The following ABCA6 variants were observed in gnomAD, a reference collection of about 807,000 sequenced individuals.
ABCA6 encodes ATP-binding cassette sub-family A member 6.
In ABCA6, 164 loss-of-function variants were observed where a neutral mutation model predicts 191.2. The observed-to-expected ratio is 0.86, with a 90% CI of 0.76 to 0.98. The LOEUF is 0.98. ABCA6 is among the 50% of genes least tolerant of loss of function. The pLI is 0.00. For missense variants in ABCA6, 1,958 were observed against 1,894.1 expected (o/e 1.03, Z -0.63); for synonymous variants, 636 against 647.7 (o/e 0.98, Z 0.27).
At chr17:69,116,937 T>C (rs1205161937) in intron 11 of ABCA6, among the ~76,000 whole-genome samples, 1 of 152,118 alleles carries the variant, frequency 6.6e-6, no homozygotes, top group African/African-American at 2.4e-5. Flanking sequence ...GTTTTTTGTT[T>C]AGACAAAAAG....
intron 11 of ABCA6, among the ~76,000 whole-genome samples, chr17:69,116,411 A>C (rs529883261): frequency 3.2e-4 from 49 of 152,206 alleles, no homozygotes; most frequent in African/African-American, 1.2e-3. Flanking sequence ...ATTATTCATT[A>C]TGTATTGCTT....
chr17:69,124,837 T>C (rs986003341), intron 9 of ABCA6, 51 bp downstream of exon 9: 2 of 1,054,092 alleles, frequency 1.9e-6, no homozygotes, highest in Non-Finnish European at 1.3e-6. Flanking sequence ...AAAAATATAT[T>C]CAATGTAATT....
intron 7 of ABCA6, 24 bp downstream of exon 7, chr17:69,129,586 G>T (rs748144598): frequency 2.6e-6 from 4 of 1,554,918 alleles, no homozygotes; most frequent in Non-Finnish European, 2.6e-6. Flanking sequence ...AGCAGAGAAA[G>T]TGGTAATAAA....
Position 69,133,812 on chromosome 17 carries a change from A to G in ABCA6, c.620T>C (p.Met207Thr), listed in dbSNP as rs773960260. The G allele has an allele frequency of 6.2e-7, 1 of 1,613,174 alleles. No homozygotes were observed. Among genetic ancestry groups the G allele is most frequent in the South Asian group, 1.1e-5 (1 of 90,880 alleles). Residue 207 changes from methionine (M) to threonine (T), a missense_variant, in exon 6 of 39, where the codon ATG (methionine) becomes ACG (threonine). Coordinates refer to ENST00000284425, the MANE Select transcript of ABCA6 (RefSeq NM_080284.3). ...EELMSVTAITMKTLPFITKNL... is the reference protein window; with the variant it reads ...EELMSVTAITTKTLPFITKNL... ...TTTAGTTATGAAAGGTAATGTCTTC[A>G]TAGTTATAGCAGTAACTGACATCAA... is the stretch of plus-strand genomic sequence containing the variant.
chr17:69,139,081 C>G (rs913936270), intron 2 of ABCA6, among the ~76,000 whole-genome samples: 2 of 152,098 alleles, frequency 1.3e-5, no homozygotes, highest in African/African-American at 4.8e-5. Context: ...GCAACAAAAG[C>G]TAAAATTGAC....
chr17:69,126,043 G>A (rs561735483), intron 8 of ABCA6, among the ~76,000 whole-genome samples: 5 of 152,048 alleles, frequency 3.3e-5, no homozygotes, highest in South Asian at 4.1e-4. Context: ...CTAGAGGTCC[G>A]GACCTGTGCA....
At chr17:69,110,984 CACT>C in intron 16 of ABCA6, 44 bp from the exon 17 acceptor site, 1 of 1,534,474 alleles carries the variant, frequency 6.5e-7, no homozygotes. Context: ...TTTTCTCCAC[CACT>C]ATCACAAAAG....
Position 69,112,336 on chromosome 17 carries a change from A to G in ABCA6, c.2042-63T>C, listed in dbSNP as rs920547713. 8 of 1,314,194 alleles carry G rather than the reference A, an allele frequency of 6.1e-6. No homozygotes were observed. In the East Asian group the frequency reaches 6.9e-5, roughly 11 times the overall value. 81.4% of individuals were successfully genotyped at this position (1,314,194 alleles called of 1,614,324 possible). A position where few individuals can be genotyped will look rare whatever the true frequency, so the allele number is the denominator to read the frequency against. ...GTCATTTCTTCTTTCTCTAGTAAAG[A>G]AAGACGAGGAGCCAAGGCTCAGAAG... On this transcript the variant is annotated intron_variant, in intron 15 of 38. Transcript: ENST00000284425.
chr17:69,121,220 A>G (rs1015059345), intron 10 of ABCA6, among the ~76,000 whole-genome samples: 1 of 152,088 alleles, frequency 6.6e-6, no homozygotes, highest in African/African-American at 2.4e-5. Flanking sequence ...CCACTAAGAA[A>G]TGATCACTGT....
At chr17:69,114,186 GGATT>G (rs1292657569) in intron 13 of ABCA6, among the ~76,000 whole-genome samples, 1 of 152,054 alleles carries the variant, frequency 6.6e-6, no homozygotes, top group Non-Finnish European at 1.5e-5. Context: ...ATGATAGACT[GGATT>G]AAGAAAATGT....
chr17:69,084,590 G>A, intron 32 of ABCA6, 83 bp from the exon 33 acceptor site: 1 of 1,187,912 alleles, frequency 8.4e-7, no homozygotes, highest in Non-Finnish European at 1.2e-6. Context: ...CAGCATTAGA[G>A]GGAAGTTTAG....
Position 69,089,529 on chromosome 17 carries a change from T to A in ABCA6, c.3542A>T (p.His1181Leu). 1.2e-6 allele frequency: 2 copies of A among 1,613,416 alleles called. No individual in the cohort carries two copies. Among genetic ancestry groups the A allele is most frequent in the Non-Finnish European group, 1.7e-6 (2 of 1,179,820 alleles). The change falls in exon 27 of 39, where the codon CAC becomes CTC. Residue 1181 changes from histidine to leucine, a missense_variant. Physicochemically the swap from His to Leu is moderately conservative, Grantham distance 99. Coordinates refer to ENST00000284425, the MANE Select transcript of ABCA6 (RefSeq NM_080284.3). ...ATTTGCCTCTGGAAATTCTCTGTAGTGCTCCTGGTCTCTCTGAAAAGACAA... is the reference window on the plus strand; with the variant it reads ...ATTTGCCTCTGGAAATTCTCTGTAGAGCTCCTGGTCTCTCTGAAAAGACAA... ...KTFLEVRDQE[H>L]YREFPEANFE...
chr17:69,088,252 AG>A lies in ABCA6; in HGVS notation c.3612del (p.Gln1206ArgfsTer9). 6.2e-7 allele frequency: 1 copy of A among 1,608,812 alleles called. No homozygotes were observed. Among genetic ancestry groups the A allele is most frequent in the Non-Finnish European group, 8.5e-7 (1 of 1,176,866 alleles). ...ATDFLVCFIP[Y>X]FQTLLFVFVL... is the part of the protein sequence containing the mutation. Reference sequence around the variant, plus strand: ...ACAAAAACGAATAGCAAAGTCTGAAAGTAGGGCTATGAGCAAAGAAATACAG... The same window carrying A: ...ACAAAAACGAATAGCAAAGTCTGAAATAGGGCTATGAGCAAAGAAATACAG... On this transcript the variant is annotated frameshift_variant, in exon 28 of 39. Coordinates refer to ENST00000284425, the MANE Select transcript of ABCA6 (RefSeq NM_080284.3). LOFTEE classifies it high-confidence loss of function.
chr17:69,131,331 C>A (rs541759820), intron 6 of ABCA6, among the ~76,000 whole-genome samples: 1 of 152,264 alleles, frequency 6.6e-6, no homozygotes, highest in Non-Finnish European at 1.5e-5. Context: ...AAATTTCATG[C>A]CATTACAATA....
intron 36 of ABCA6, 42 bp from the exon 37 acceptor site, chr17:69,081,187 G>T: frequency 9.5e-7 from 1 of 1,053,710 alleles, no homozygotes; most frequent in South Asian, 1.5e-5. Context: ...GAGTTTCAAG[G>T]GGAGAAAATG....
In ABCA6 at chr17:69,117,824, T is replaced by TC; in HGVS notation, c.1495+73dup. The TC allele has an allele frequency of 7.1e-6, 8 of 1,130,380 alleles. No homozygotes were observed. The East Asian group carries it at 2.0e-4, about 28-fold the overall frequency. The allele number at this position is 1,130,380 out of a possible 1,614,324, so 70.0% of individuals were successfully genotyped here. ...GCTTATCTACATATTTCAAATTTTT[T>TC]CACATTGAATGTTTCCCTTTTTTAT... is the stretch of plus-strand genomic sequence containing the variant. On this transcript the variant is annotated intron_variant, in intron 11 of 38. Coordinates refer to ENST00000284425, the MANE Select transcript of ABCA6 (RefSeq NM_080284.3).
At chr17:69,100,720 T>C (rs532751053) in intron 22 of ABCA6, 77 bp downstream of exon 22, 49 of 1,396,292 alleles carry the variant, frequency 3.5e-5, no homozygotes, top group Middle Eastern at 4.3e-4. Context: ...CTTATGGATA[T>C]TTAAAAGCTA....
chr17:69,092,479 A>G (rs1038615728), intron 25 of ABCA6, among the ~76,000 whole-genome samples: 4 of 152,210 alleles, frequency 2.6e-5, no homozygotes, highest in Admixed American at 2.6e-4. Flanking sequence ...ATCCACTGGA[A>G]CAAGAGAGGA....
intron 8 of ABCA6, among the ~76,000 whole-genome samples, chr17:69,128,008 T>C (rs956832868): frequency 5.9e-5 from 9 of 152,178 alleles, no homozygotes; most frequent in Admixed American, 6.5e-5. Context: ...AAAAATACAC[T>C]TTGTGCAACA....
Sources: allele counts gnomAD v4.1 joint callset (sites outside exome capture counted in the v4.1 genomes callset), GRCh38; gene constraint gnomAD v4.1.1; transcripts MANE v1.5; gene names NCBI Gene and HGNC (gene_info 2026-07-23, HGNC 2026-07-21).